HUNK: variants seen among roughly 807,000 people sequenced by gnomAD.
The protein encoded by HUNK is hormonally up-regulated Neu-associated kinase, also known as hormonally up-regulated neu tumor-associated kinase.
A neutral mutation model predicts 61.0 loss-of-function variants in HUNK; 21 were observed. The ratio of observed to expected loss-of-function variants is 0.34; its 90% CI spans 0.24 to 0.50. The LOEUF (loss-of-function observed/expected upper bound fraction) is 0.50. Among genes scored for constraint, HUNK ranks in the 20% least tolerant of loss-of-function variants. HUNK has a pLI of 0.98. For synonymous variants in HUNK, 371 were observed against 386.1 expected, an observed-to-expected ratio of 0.96 and a Z score of 0.46; for missense variants, 772 against 945.7, an observed-to-expected ratio of 0.82 and a Z score of 2.41.
intron 1 of HUNK, among the ~76,000 whole-genome samples, chr21:31,911,263 G>A (rs149502791): frequency 4.6e-5 from 7 of 152,296 alleles, no homozygotes; most frequent in African/African-American, 1.7e-4. Flanking sequence ...CAGATTCCAT[G>A]CTCACTCAGT....
chr21:31,946,216 C>G (rs200605258), intron 4 of HUNK, 45 bp downstream of exon 4: 10 of 1,581,026 alleles, frequency 6.3e-6, no homozygotes, highest in Non-Finnish European at 8.7e-6. Context: ...CCTGCTGTCT[C>G]CACCGTGCCT....
In HUNK at chr21:31,924,327, T is replaced by A. The variant is rs2052644871; in HGVS notation, c.262-141T>A. 1.6e-6 allele frequency: 1 copy of A among 632,082 alleles called. No individual in the cohort carries two copies. The highest frequency in any genetic ancestry group is 2.0e-5 in the South Asian group (1 of 49,406). The allele number at this position is 632,082 out of a possible 1,614,324, so 39.2% of individuals were successfully genotyped here. On this transcript the variant is annotated intron_variant, in intron 1 of 10. Transcript: ENST00000270112. The surrounding 1 kb of genome is among the most constrained non-coding windows in gnomAD (Gnocchi z 5.1). ...TAAATATAAATGTGTATATATATAT[T>A]TTCTGTTGATGCTGTTTTAGGTAAG...
intron 1 of HUNK, among the ~76,000 whole-genome samples, chr21:31,890,854 G>C (rs951408689): frequency 6.6e-6 from 1 of 150,728 alleles, no homozygotes; most frequent in African/African-American, 2.4e-5. Context: ...GATTGAAAAT[G>C]TGTTTCTTCT....
At chr21:31,916,376 C>T (rs1020685752) in intron 1 of HUNK, among the ~76,000 whole-genome samples, 14 of 151,918 alleles carry the variant, frequency 9.2e-5, no homozygotes, top group Non-Finnish European at 1.8e-4. Context: ...TGTACATTAT[C>T]TTAGGGACTA....
At chr21:31,892,165 ATAT>A (rs2052393185) in intron 1 of HUNK, among the ~76,000 whole-genome samples, 1 of 71,132 alleles carries the variant, frequency 1.4e-5, no homozygotes, top group African/African-American at 4.7e-5. Context: ...AAAAAAAAAT[ATAT>A]ATATATATAT....
chr21:31,930,537 C>CT, intron 2 of HUNK, among the ~76,000 whole-genome samples: 1 of 152,374 alleles, frequency 6.6e-6, no homozygotes, highest in African/African-American at 2.4e-5. Context: ...GCTTGGCCCC[C>CT]TGGCCATAGA....
At chr21:31,920,782 T>C (rs1415927964) in intron 1 of HUNK, among the ~76,000 whole-genome samples, 1 of 152,162 alleles carries the variant, frequency 6.6e-6, no homozygotes, top group African/African-American at 2.4e-5. Flanking sequence ...TCTTCTAGCC[T>C]GTCTGGTCCC....
intron 4 of HUNK, among the ~76,000 whole-genome samples, chr21:31,953,930 G>A (rs553726019): frequency 3.9e-5 from 6 of 152,262 alleles, no homozygotes; most frequent in East Asian, 1.9e-4. Context: ...TGGCTCTGGC[G>A]CCATCTTGAA....
At chr21:31,879,861 G>A (rs1359875979) in intron 1 of HUNK, among the ~76,000 whole-genome samples, 1 of 152,186 alleles carries the variant, frequency 6.6e-6, no homozygotes, top group African/African-American at 2.4e-5. Context: ...GTAACGGAGA[G>A]ACCTGCTCTC....
chr21:31,950,095 T>A (rs2052839146), intron 4 of HUNK, among the ~76,000 whole-genome samples: 1 of 152,160 alleles, frequency 6.6e-6, no homozygotes, highest in Admixed American at 6.5e-5. Flanking sequence ...ATCTGTGATG[T>A]TGTACTTCCT....
At chr21:31,887,590 C>G (rs1485704085) in intron 1 of HUNK, among the ~76,000 whole-genome samples, 1 of 152,168 alleles carries the variant, frequency 6.6e-6, no homozygotes, top group African/African-American at 2.4e-5. Context: ...GTCGTCAGGC[C>G]ATCTTTCTGC....
chr21:31,923,542 G>A (rs1410088905), intron 1 of HUNK, among the ~76,000 whole-genome samples: 6 of 128,364 alleles, frequency 4.7e-5, no homozygotes, highest in Admixed American at 2.7e-4. Context: ...AGGGAGGAAG[G>A]AAGGAAGGAA....
intron 1 of HUNK, among the ~76,000 whole-genome samples, chr21:31,878,258 CAAAAAAAAA>C (rs59741283): frequency 1.1e-5 from 1 of 89,956 alleles, no homozygotes; most frequent in Non-Finnish European, 2.1e-5. Flanking sequence ...GACTCCATCT[CAAAAAAAAA>C]AAAAAAAAAA....
At chr21:31,917,285 C>T (rs1324262853) in intron 1 of HUNK, among the ~76,000 whole-genome samples, 2 of 152,032 alleles carry the variant, frequency 1.3e-5, no homozygotes, top group African/African-American at 4.8e-5. Context: ...CTGGAACTCC[C>T]AGACTCAAGC....
intron 3 of HUNK, among the ~76,000 whole-genome samples, chr21:31,942,071 G>A (rs754105179): frequency 4.6e-5 from 7 of 152,174 alleles, no homozygotes; most frequent in East Asian, 3.9e-4. Flanking sequence ...GTAGCCAGGC[G>A]TGGTAGCGTG....
At chr21:31,936,089 G>A (rs991198236) in intron 2 of HUNK, among the ~76,000 whole-genome samples, 2 of 152,148 alleles carry the variant, frequency 1.3e-5, no homozygotes, top group Non-Finnish European at 2.9e-5. Flanking sequence ...GAGCCACCGC[G>A]CCCAACCTTA....
chr21:31,910,638 G>A (rs2052539602), intron 1 of HUNK, among the ~76,000 whole-genome samples: 3 of 151,926 alleles, frequency 2.0e-5, no homozygotes, highest in Admixed American at 1.3e-4. Flanking sequence ...ACAGGCATGC[G>A]CCACCACGCC....
At chr21:31,888,446 A>G (rs1244257038) in intron 1 of HUNK, among the ~76,000 whole-genome samples, 2 of 120,454 alleles carry the variant, frequency 1.7e-5, no homozygotes, top group Non-Finnish European at 3.4e-5. Flanking sequence ...TATTAATAAT[A>G]TGTGTGTTAG....
At chr21:31,923,529 G>A (rs566837963) in intron 1 of HUNK, among the ~76,000 whole-genome samples, 15 of 146,878 alleles carry the variant, frequency 1.0e-4, no homozygotes, top group African/African-American at 3.8e-4. Flanking sequence ...GAGGGAGGAA[G>A]GGAGGGAGGA....
Sources: gnomAD v4.1 joint callset for allele counts (sites outside exome capture counted in the v4.1 genomes callset) on GRCh38, gnomAD v4.1.1 for gene constraint, Gnocchi (gnomAD v3.1) non-coding constraint, MANE v1.5 for transcripts, NCBI Gene and HGNC (gene_info 2026-07-23, HGNC 2026-07-21) for gene names.